The following FAM83F variants were observed in gnomAD, a reference collection of about 807,000 sequenced individuals.
FAM83F encodes the protein scaffolding CK1 anchoring protein F.
In FAM83F, 45 loss-of-function variants were observed where a neutral mutation model predicts 42.9. That is an observed-to-expected ratio of 1.05 (90% CI 0.83 to 1.35). The LOEUF (loss-of-function observed/expected upper bound fraction) is 1.35, where lower values mean the gene tolerates loss of function less well. FAM83F is among the 40% of genes most tolerant of loss of function. The probability of loss-of-function intolerance (pLI) is 0.00; values close to 1 mark genes in which losing one functional copy is unlikely to be tolerated. For missense variants in FAM83F, 617 were observed against 695.9 expected, an observed-to-expected ratio of 0.89 and a Z score of 1.28; for synonymous variants, 306 against 298.3, an observed-to-expected ratio of 1.03 and a Z score of -0.27.
intron 1 of FAM83F, among the ~76,000 whole-genome samples, chr22:40,017,225 C>CTTTTTTT (rs59308005): frequency 1.7e-5 from 2 of 115,580 alleles, no homozygotes; most frequent in African/African-American, 3.4e-5. Flanking sequence ...TCAGCACTTT[C>CTTTTTTT]TTTTTTTTTT....
At chr22:40,025,826 C>T (rs1227590938) in intron 4 of FAM83F, among the ~76,000 whole-genome samples, 2 of 152,198 alleles carry the variant, frequency 1.3e-5, no homozygotes, top group African/African-American at 2.4e-5. Context: ...TGTAGCTCCC[C>T]AGTGCAGAGG....
intron 1 of FAM83F, among the ~76,000 whole-genome samples, chr22:40,013,892 A>G (rs1484202468): frequency 6.6e-6 from 1 of 151,376 alleles, no homozygotes; most frequent in African/African-American, 2.4e-5. Flanking sequence ...AATGGATCTT[A>G]TTTTCTTTCT....
chr22:39,995,309 C>G lies in FAM83F; in HGVS notation c.267C>G (p.Ala89=). 6.5e-7 allele frequency: 1 copy of G among 1,537,692 alleles called. No homozygotes were observed. Among genetic ancestry groups the G allele is most frequent in the South Asian group, 1.2e-5 (1 of 83,958 alleles). Residue 89 remains alanine, a synonymous_variant, in exon 1 of 5, where the codon GCC becomes GCG. Transcript: ENST00000333407. This position sits in a 1 kb window ranked among gnomAD's most constrained non-coding sequence, Gnocchi z 4.6. ...CCAACGCCCGGGGCAAGAGCAAGGC[C>G]AAGGCCAAGGCCCCCGCGCCGGCGC... The part of the protein sequence containing the change: ...PAANARGKSK[A]KAKAPAPAPA...
At chr22:40,029,247 C>T (rs1003172768) in intron 4 of FAM83F, among the ~76,000 whole-genome samples, 12 of 152,132 alleles carry the variant, frequency 7.9e-5, no homozygotes, top group African/African-American at 2.7e-4. Context: ...CTGGATCCTT[C>T]CCCGACCCCT....
chr22:39,997,052 G>T (rs1053822003), intron 1 of FAM83F, among the ~76,000 whole-genome samples: 2 of 152,134 alleles, frequency 1.3e-5, no homozygotes, highest in African/African-American at 4.8e-5. Context: ...CACAACAACC[G>T]GGTGAATATG....
At chr22:40,013,645 T>A (rs138468212) in intron 1 of FAM83F, among the ~76,000 whole-genome samples, 1,737 of 152,316 alleles carry the variant, frequency 0.011, 31 homozygotes, top group African/African-American at 0.04. Context: ...TTTATTCTTC[T>A]TTATATCTTA....
chr22:40,000,494 C>T (rs530688680), intron 1 of FAM83F, among the ~76,000 whole-genome samples: 1 of 152,290 alleles, frequency 6.6e-6, no homozygotes, highest in South Asian at 2.1e-4. Context: ...CGTCTTTCCC[C>T]ATTAACTGCA....
At position 40,039,750 on chromosome 22, in the gene FAM83F, G is replaced by A. The variant is rs1023136347; in HGVS notation, c.*10185G>A. On this transcript the variant is annotated 3_prime_UTR_variant, in exon 5 of 5. Transcript: ENST00000333407. ...GGAAAAGAGCATGAACAGTTGTAGA[G>A]GTAGGAGGAAAGCTGGCTATTTGGG... 1 of 152,270 alleles carries A rather than the reference G, an allele frequency of 6.6e-6. No homozygotes were observed. The highest frequency in any genetic ancestry group is 1.5e-5 in the Non-Finnish European group (1 of 68,076). The allele number at this position is 152,270 out of a possible 1,614,324, so 9.4% of individuals were successfully genotyped here. A position where few individuals can be genotyped will look rare whatever the true frequency, so the allele number is the denominator to read the frequency against.
chr22:40,000,862 A>G (rs941176223), intron 1 of FAM83F, among the ~76,000 whole-genome samples: 1 of 152,178 alleles, frequency 6.6e-6, no homozygotes, highest in Non-Finnish European at 1.5e-5. Context: ...TTAAATTCAC[A>G]GAGCAAGAAG....
chr22:40,005,485 G>A (rs2067422696), intron 1 of FAM83F, among the ~76,000 whole-genome samples: 1 of 152,230 alleles, frequency 6.6e-6, no homozygotes, highest in Admixed American at 6.5e-5. Context: ...ACAAAGAATT[G>A]CTCTGCCTAC....
intron 1 of FAM83F, among the ~76,000 whole-genome samples, chr22:40,010,510 G>A (rs1040381848): frequency 2.0e-5 from 3 of 152,182 alleles, no homozygotes; most frequent in Non-Finnish European, 2.9e-5. Context: ...GCATCAGGGC[G>A]TCACAGTCCG....
In FAM83F at chr22:39,995,003, GCGGGGCCGGGGCCAGGGCCGGGGC is replaced by G. The variant is rs1008233694; in HGVS notation, c.-27_-4del. 1.9e-4 allele frequency: 234 copies of G among 1,209,256 alleles called. No individual in the cohort carries two copies. The highest frequency in any genetic ancestry group is 9.7e-4 in the Middle Eastern group (3 of 3,102). 74.9% of individuals were successfully genotyped at this position (1,209,256 alleles called of 1,614,324 possible). A position where few individuals can be genotyped will look rare whatever the true frequency, so the allele number is the denominator to read the frequency against. On this transcript the variant is annotated 5_prime_UTR_variant, in exon 1 of 5. Transcript: ENST00000333407. This position sits in a 1 kb window ranked among gnomAD's most constrained non-coding sequence, Gnocchi z 4.6. ...TGCGGCTGTGGGACCTCGGACCGCG[GCGGGGCCGGGGCCAGGGCCGGGGC>G]CGGGGCCGGGGCGCCATGGCCGAGT...
rs948857162 is a variant in FAM83F at position 40,039,493 on chromosome 22, G to A, written c.*9928G>A. 2 of 152,226 alleles carry A rather than the reference G, an allele frequency of 1.3e-5. No homozygotes were observed. Among genetic ancestry groups the A allele is most frequent in the East Asian group, 1.9e-4 (1 of 5,200 alleles). The allele number at this position is 152,226 out of a possible 1,614,324, so 9.4% of individuals were successfully genotyped here. On this transcript the variant is annotated 3_prime_UTR_variant, in exon 5 of 5. Coordinates refer to ENST00000333407, the MANE Select transcript of FAM83F (RefSeq NM_138435.4). ...GATTCAATATATTCATTTTAGAAAC[G>A]AGGAAACTGAAGCTTAGATAGTTTG...
In FAM83F at chr22:40,021,331, T is replaced by C; in HGVS notation, c.821T>C (p.Leu274Pro). The change falls in exon 4 of 5, where the codon CTG (leucine) becomes CCG (proline). Residue 274 changes from leucine (L) to proline (P), a missense_variant. By Grantham distance (98) the Leu-to-Pro change is moderately conservative. Coordinates refer to ENST00000333407, the MANE Select transcript of FAM83F (RefSeq NM_138435.4). This position sits in a 1 kb window ranked among gnomAD's most constrained non-coding sequence, Gnocchi z 8.7. The part of the protein sequence containing the change: ...SSSHVDRNLL[L>P]LLTGQNVEPF... ...TCCCATGTGGACAGAAACCTCCTCCTGCTCCTGACAGGACAGAACGTAGAG... is the reference window on the plus strand; with the variant it reads ...TCCCATGTGGACAGAAACCTCCTCCCGCTCCTGACAGGACAGAACGTAGAG... 6.4e-7 allele frequency: 1 copy of C among 1,571,942 alleles called. No individual in the cohort carries two copies. Among genetic ancestry groups the C allele is most frequent in the South Asian group, 1.1e-5 (1 of 88,024 alleles).
chr22:40,021,158 G>A lies in FAM83F; in HGVS notation c.780-132G>A. On this transcript the variant is annotated intron_variant, in intron 3 of 4. Transcript: ENST00000333407. The surrounding 1 kb of genome is among the most constrained non-coding windows in gnomAD (Gnocchi z 8.7). ...CGGGTGGGTGGAGGGAATCAGTCCA[G>A]CGTGTGGCCCACAAGGAGCCGTACA... 1 of 1,067,326 alleles carries A rather than the reference G, an allele frequency of 9.4e-7. No individual in the cohort carries two copies. The highest frequency in any genetic ancestry group is 1.3e-6 in the Non-Finnish European group (1 of 774,502). 66.1% of individuals were successfully genotyped at this position (1,067,326 alleles called of 1,614,324 possible).
Position 40,037,886 on chromosome 22 carries a change from TAAAAAA to T in FAM83F, c.*8326_*8331del, listed in dbSNP as rs549024829. 4.7e-5 allele frequency: 7 copies of T among 148,030 alleles called. No homozygotes were observed. Among genetic ancestry groups the T allele is most frequent in the Non-Finnish European group, 9.0e-5 (6 of 66,692 alleles). The allele number at this position is 148,030 out of a possible 1,614,324, so 9.2% of individuals were successfully genotyped here. On this transcript the variant is annotated 3_prime_UTR_variant, in exon 5 of 5. Transcript: ENST00000333407. ...GCATGCACCACCCTGCCCAGCTAAT[TAAAAAA>T]AAAACTTTAGGGATGGGGTCTTGCT...
Position 40,029,887 on chromosome 22 carries a change from G to A in FAM83F, c.*322G>A. The A allele has an allele frequency of 3.3e-6, 1 of 300,838 alleles. No individual in the cohort carries two copies. Among genetic ancestry groups the A allele is most frequent in the South Asian group, 4.2e-5 (1 of 23,754 alleles). The allele number at this position is 300,838 out of a possible 1,614,324, so 18.6% of individuals were successfully genotyped here. A position where few individuals can be genotyped will look rare whatever the true frequency, so the allele number is the denominator to read the frequency against. ...CCGCTGATTGCCAGATGGGGTGAGGGCCCATTCTTTAAACCTTTATGGGGT... is the reference window on the plus strand; with the variant it reads ...CCGCTGATTGCCAGATGGGGTGAGGACCCATTCTTTAAACCTTTATGGGGT... On this transcript the variant is annotated 3_prime_UTR_variant, in exon 5 of 5. Coordinates refer to ENST00000333407, the MANE Select transcript of FAM83F (RefSeq NM_138435.4).
intron 1 of FAM83F, among the ~76,000 whole-genome samples, chr22:40,007,951 C>A (rs1319625621): frequency 6.6e-6 from 1 of 152,192 alleles, no homozygotes; most frequent in Non-Finnish European, 1.5e-5. Context: ...GGCAGCTGTG[C>A]CAGTTAGAAG....
In FAM83F at chr22:40,043,495, G is replaced by T. The variant is rs1055147281; in HGVS notation, c.*13930G>T. On this transcript the variant is annotated 3_prime_UTR_variant, in exon 5 of 5. Transcript: ENST00000333407. ...GAAGATTTCCAGGAGCTGAAGGGCTGTTCTCTTTGCATGCAATAAATTATT... is the reference window on the plus strand; with the variant it reads ...GAAGATTTCCAGGAGCTGAAGGGCTTTTCTCTTTGCATGCAATAAATTATT... The T allele has an allele frequency of 7.2e-5, 11 of 152,184 alleles. No homozygotes were observed. The highest frequency in any genetic ancestry group is 3.9e-4 in the Admixed American group (6 of 15,288). The allele number at this position is 152,184 out of a possible 1,614,324, so 9.4% of individuals were successfully genotyped here.
Sources: allele counts gnomAD v4.1 joint callset (sites outside exome capture counted in the v4.1 genomes callset), GRCh38; gene constraint gnomAD v4.1.1; non-coding constraint Gnocchi (gnomAD v3.1); transcripts MANE v1.5; gene names NCBI Gene and HGNC (gene_info 2026-07-23, HGNC 2026-07-21).